Variants in STPG2 observed in about 807,000 individuals in gnomAD.
STPG2 encodes sperm tail PG-rich repeat containing 2.
In STPG2, 56 loss-of-function variants were observed where a neutral mutation model predicts 54.2. The observed-to-expected ratio is 1.03, with a 90% CI of 0.83 to 1.29. The LOEUF is 1.29. Among genes scored for constraint, STPG2 ranks in the 50% most tolerant of loss-of-function variants. The probability of loss-of-function intolerance (pLI) is 0.00; values close to 1 mark genes in which losing one functional copy is unlikely to be tolerated. For synonymous variants in STPG2, 200 were observed against 181.8 expected (o/e 1.10, Z -0.81); for missense variants, 596 against 544.9 (o/e 1.09, Z -0.93).
At chr4:97,972,847 T>C (rs1388871838) in intron 6 of STPG2, among the ~76,000 whole-genome samples, 2 of 152,232 alleles carry the variant, frequency 1.3e-5, no homozygotes, top group Non-Finnish European at 2.9e-5. Flanking sequence ...TCTTGTCTGC[T>C]GCCATGTGAG....
At chr4:98,088,659 C>A (rs1390382477) in intron 5 of STPG2, among the ~76,000 whole-genome samples, 1 of 134,716 alleles carries the variant, frequency 7.4e-6, no homozygotes, top group African/African-American at 2.8e-5. Flanking sequence ...ACTATAAAAT[C>A]TCTCCTTTAG....
intron 8 of STPG2, among the ~76,000 whole-genome samples, chr4:97,918,734 A>G (rs1014505069): frequency 7.2e-5 from 11 of 152,148 alleles, no homozygotes; most frequent in Non-Finnish European, 1.3e-4. Flanking sequence ...CAAACATCCT[A>G]TGTTCTCACT....
Position 97,558,880 on chromosome 4 carries a change from T to TAACAAAATA in STPG2, c.*177_*178insTATTTTGTT, listed in dbSNP as rs1181940743. On this transcript the variant is annotated 3_prime_UTR_variant, in exon 11 of 11. Transcript: ENST00000295268. ...TATGACTTTTTAAAGAATTTTGTCT[T>TAACAAAATA]AACAAGGTTTATTTCTCCGTGGTTG... The TAACAAAATA allele has an allele frequency of 1.8e-6, 1 of 559,838 alleles. No homozygotes were observed. Among genetic ancestry groups the TAACAAAATA allele is most frequent in the African/African-American group, 2.0e-5 (1 of 50,830 alleles). The allele number at this position is 559,838 out of a possible 1,614,324, so 34.7% of individuals were successfully genotyped here.
chr4:98,058,721 A>G (rs1190742805), intron 5 of STPG2, among the ~76,000 whole-genome samples: 1 of 152,182 alleles, frequency 6.6e-6, no homozygotes, highest in Non-Finnish European at 1.5e-5. Context: ...GATCTAGTAC[A>G]TGTCTACAGA....
chr4:97,925,904 A>G (rs1206229912), intron 8 of STPG2, among the ~76,000 whole-genome samples: 1 of 152,080 alleles, frequency 6.6e-6, no homozygotes, highest in Non-Finnish European at 1.5e-5. Context: ...AATTTTAGTA[A>G]TTCTAACCTA....
At chr4:97,772,546 A>G (rs538653655) in intron 9 of STPG2, among the ~76,000 whole-genome samples, 42 of 152,292 alleles carry the variant, frequency 2.8e-4, no homozygotes, top group Non-Finnish European at 5.1e-4. Context: ...AAAAAACAGT[A>G]TTTGTATATA....
chr4:97,680,500 A>C (rs1269227946), intron 10 of STPG2, among the ~76,000 whole-genome samples: 1 of 152,138 alleles, frequency 6.6e-6, no homozygotes, highest in Non-Finnish European at 1.5e-5. Flanking sequence ...ACTTTGCTGA[A>C]GTTGCTTATC....
At chr4:97,869,843 CT>C (rs1231760036) in intron 8 of STPG2, among the ~76,000 whole-genome samples, 1 of 151,392 alleles carries the variant, frequency 6.6e-6, no homozygotes, top group Middle Eastern at 3.2e-3. Context: ...TGGTTTGAGC[CT>C]CAAATATTTG....
chr4:97,948,937 T>C (rs1265334184), intron 7 of STPG2, among the ~76,000 whole-genome samples: 1 of 151,968 alleles, frequency 6.6e-6, no homozygotes, highest in Non-Finnish European at 1.5e-5. Context: ...CCATGTGTTC[T>C]AGAGTGTTTA....
intron 10 of STPG2, among the ~76,000 whole-genome samples, chr4:97,698,692 G>C (rs1723666683): frequency 6.6e-6 from 1 of 152,100 alleles, no homozygotes; most frequent in African/African-American, 2.4e-5. Flanking sequence ...CCATATATTG[G>C]AGGCTGATTC....
intron 7 of STPG2, among the ~76,000 whole-genome samples, chr4:97,951,249 C>A (rs1578724683): frequency 6.6e-6 from 1 of 152,108 alleles, no homozygotes; most frequent in Admixed American, 6.5e-5. Flanking sequence ...AAACTCTGGT[C>A]TCTCATACAG....
intron 4 of STPG2, among the ~76,000 whole-genome samples, chr4:97,506,903 G>T (rs927382918): frequency 1.2e-4 from 18 of 152,098 alleles, no homozygotes; most frequent in Non-Finnish European, 1.9e-4. Context: ...ATACAAAGGA[G>T]AATGTAAATA....
intron 10 of STPG2, among the ~76,000 whole-genome samples, chr4:97,602,210 C>T (rs1733480575): frequency 6.6e-6 from 1 of 151,534 alleles, no homozygotes; most frequent in Non-Finnish European, 1.5e-5. Context: ...CTTATTTTTT[C>T]ATTTTATCCA....
chr4:97,552,101 T>C (rs1016765877), intron 4 of STPG2, among the ~76,000 whole-genome samples: 3 of 152,108 alleles, frequency 2.0e-5, no homozygotes, highest in Non-Finnish European at 2.9e-5. Context: ...CTTACCTACA[T>C]AAATAGAAAA....
chr4:98,093,470 T>C (rs1307710941), intron 5 of STPG2, among the ~76,000 whole-genome samples: 1 of 152,116 alleles, frequency 6.6e-6, no homozygotes, highest in African/African-American at 2.4e-5. Flanking sequence ...AATCCAAAGA[T>C]ACTATAGGAG....
chr4:97,862,102 TAC>T (rs1729571782), intron 8 of STPG2, among the ~76,000 whole-genome samples: 2 of 151,744 alleles, frequency 1.3e-5, no homozygotes, highest in African/African-American at 4.8e-5. Flanking sequence ...TGGGCTAAAT[TAC>T]CCAATTAAAA....
At chr4:97,687,347 A>G (rs749217061) in intron 10 of STPG2, among the ~76,000 whole-genome samples, 1 of 149,950 alleles carries the variant, frequency 6.7e-6, no homozygotes, top group African/African-American at 2.5e-5. Context: ...TTTTTGAGAC[A>G]GAGTCTTACT....
At chr4:97,563,186 A>C (rs1376281514) in intron 10 of STPG2, among the ~76,000 whole-genome samples, 5 of 152,222 alleles carry the variant, frequency 3.3e-5, no homozygotes, top group South Asian at 2.1e-4. Flanking sequence ...TGTATGTGTC[A>C]AGGAATTTAT....
At chr4:97,585,101 C>CAAAAAAAAAAAAAAAAAAAAAAAAAAA (rs60854805) in intron 10 of STPG2, among the ~76,000 whole-genome samples, 2 of 46,262 alleles carry the variant, frequency 4.3e-5, no homozygotes, top group Non-Finnish European at 6.9e-5. Flanking sequence ...AAAATATTCT[C>CAAAAAAAAAAAAAAAAAAAAAAAAAAA]AAAAAAAAAA....
Sources: gnomAD v4.1 joint callset for allele counts (sites outside exome capture counted in the v4.1 genomes callset) on GRCh38, gnomAD v4.1.1 for gene constraint, MANE v1.5 for transcripts, NCBI Gene and HGNC (gene_info 2026-07-23, HGNC 2026-07-21) for gene names.